Variants in PAM observed in about 807,000 individuals in gnomAD.
The protein encoded by PAM is peptidylglycine alpha-amidating monooxygenase.
A neutral mutation model predicts 122.1 loss-of-function variants in PAM; 72 were observed. The ratio of observed to expected loss-of-function variants is 0.59; its 90% CI spans 0.49 to 0.72. The LOEUF is 0.72. Among genes scored for constraint, PAM ranks in the 30% least tolerant of loss-of-function variants. PAM has a pLI of 0.00. For synonymous variants in PAM, 389 were observed against 404.4 expected, an observed-to-expected ratio of 0.96 and a Z score of 0.46; for missense variants, 1,106 against 1,183.7, an observed-to-expected ratio of 0.93 and a Z score of 0.96.
chr5:102,943,907 A>T (rs1388308198), intron 7 of PAM, among the ~76,000 whole-genome samples: 1 of 152,108 alleles, frequency 6.6e-6, no homozygotes, highest in African/African-American at 2.4e-5. Context: ...TTAGATTCTG[A>T]TTGAATGCTA....
At chr5:102,801,772 ATTTTTTT>A (rs36068804) in intron 1 of PAM, among the ~76,000 whole-genome samples, 31 of 98,974 alleles carry the variant, frequency 3.1e-4, no homozygotes, top group African/African-American at 9.5e-4. Flanking sequence ...GGGAAAAGGT[ATTTTTTT>A]TTTTTTTTTT....
intron 1 of PAM, among the ~76,000 whole-genome samples, chr5:102,772,637 A>G (rs182788022): frequency 1.3e-5 from 2 of 152,294 alleles, no homozygotes; most frequent in East Asian, 1.9e-4. Flanking sequence ...ACTTAAATAT[A>G]TTCAAAGTTG....
chr5:102,801,945 A>C (rs902625395), intron 1 of PAM, among the ~76,000 whole-genome samples: 2 of 149,528 alleles, frequency 1.3e-5, no homozygotes, highest in Non-Finnish European at 3.0e-5. Context: ...CGCCCGGCTA[A>C]TTTTTTGTAT....
intron 1 of PAM, among the ~76,000 whole-genome samples, chr5:102,836,591 C>T (rs931386119): frequency 6.6e-6 from 1 of 152,056 alleles, no homozygotes; most frequent in African/African-American, 2.4e-5. Flanking sequence ...GGATTGATGC[C>T]ATGGGTGACA....
Position 102,901,348 on chromosome 5 carries a change from T to C in PAM, c.211-8T>C, listed in dbSNP as rs767700063. The C allele has an allele frequency of 3.3e-6, 5 of 1,534,498 alleles. No homozygotes were observed. The highest frequency in any genetic ancestry group is 1.7e-4 in the Middle Eastern group (1 of 5,880). Reference sequence around the variant, plus strand: ...TTAATTTGGATTTTTTAATCTTTTTTTTAATAGTCCGATACATACTTCTGC... The same window carrying C: ...TTAATTTGGATTTTTTAATCTTTTTCTTAATAGTCCGATACATACTTCTGC... On this transcript the variant is annotated splice_polypyrimidine_tract_variant and splice_region_variant and intron_variant, in intron 3 of 25. Coordinates refer to ENST00000438793, the MANE Select transcript of PAM (RefSeq NM_001177306.2).
At chr5:102,875,769 A>G (rs1012810601) in intron 3 of PAM, among the ~76,000 whole-genome samples, 1 of 152,232 alleles carries the variant, frequency 6.6e-6, no homozygotes, top group African/African-American at 2.4e-5. Context: ...TATAGATACT[A>G]TGTAAATGAA....
intron 3 of PAM, among the ~76,000 whole-genome samples, chr5:102,890,832 A>C (rs1441514380): frequency 1.1e-4 from 16 of 151,948 alleles, no homozygotes; most frequent in African/African-American, 3.9e-4. Context: ...AACTTATGAC[A>C]GGTAAAAACA....
intron 1 of PAM, among the ~76,000 whole-genome samples, chr5:102,759,971 A>G (rs1751840102): frequency 6.6e-6 from 1 of 152,176 alleles, no homozygotes; most frequent in Non-Finnish European, 1.5e-5. Flanking sequence ...AAGGTATTCA[A>G]GCAGGTGGGA....
chr5:102,937,143 A>G (rs1222435635), intron 7 of PAM, among the ~76,000 whole-genome samples: 3 of 152,152 alleles, frequency 2.0e-5, no homozygotes, highest in Non-Finnish European at 4.4e-5. Flanking sequence ...GGATTTTAAA[A>G]TTCTTTAATA....
intron 1 of PAM, among the ~76,000 whole-genome samples, chr5:102,789,922 T>C (rs1761610499): frequency 6.6e-6 from 1 of 152,120 alleles, no homozygotes; most frequent in Non-Finnish European, 1.5e-5. Flanking sequence ...TAATTATTCA[T>C]ATTCATAAAT....
chr5:102,780,821 TTC>T (rs1179233169), intron 1 of PAM, among the ~76,000 whole-genome samples: 73 of 121,026 alleles, frequency 6.0e-4, no homozygotes, highest in Non-Finnish European at 9.9e-4. Flanking sequence ...CTTTCTTTCT[TTC>T]TTTCTTTCTT....
chr5:102,867,469 C>T (rs1785980990), intron 3 of PAM, 76 bp downstream of exon 3: 2 of 1,097,342 alleles, frequency 1.8e-6, no homozygotes, highest in Non-Finnish European at 2.7e-6. Flanking sequence ...ACTGCATTTA[C>T]AGCTGTAGGA....
chr5:102,902,623 T>G (rs537303554), intron 4 of PAM, among the ~76,000 whole-genome samples: 2 of 151,712 alleles, frequency 1.3e-5, no homozygotes, highest in African/African-American at 4.8e-5. Context: ...ACATTCATAA[T>G]TAAAATCCTA....
intron 1 of PAM, among the ~76,000 whole-genome samples, chr5:102,794,201 T>C (rs1762774023): frequency 1.3e-5 from 2 of 152,220 alleles, no homozygotes; most frequent in Non-Finnish European, 2.9e-5. Context: ...TTCAGCATAA[T>C]GCTGTGCGGA....
At chr5:102,988,389 G>A (rs183953803) in intron 15 of PAM, among the ~76,000 whole-genome samples, 1 of 143,032 alleles carries the variant, frequency 7.0e-6, no homozygotes, top group African/African-American at 3.0e-5. Flanking sequence ...GTACTACTTT[G>A]TGTCATAAGT....
intron 1 of PAM, among the ~76,000 whole-genome samples, chr5:102,787,021 T>G (rs1760731965): frequency 6.6e-6 from 1 of 152,146 alleles, no homozygotes; most frequent in South Asian, 2.1e-4. Flanking sequence ...CCATCTGAGA[T>G]TTGTAAATTA....
chr5:102,842,576 C>T (rs1778923827), intron 1 of PAM, among the ~76,000 whole-genome samples: 1 of 152,154 alleles, frequency 6.6e-6, no homozygotes, highest in African/African-American at 2.4e-5. Flanking sequence ...TTGTAAATTG[C>T]CCAGTCTTGG....
intron 1 of PAM, among the ~76,000 whole-genome samples, chr5:102,791,182 A>T (rs979248048): frequency 2.0e-5 from 3 of 152,080 alleles, no homozygotes; most frequent in Non-Finnish European, 2.9e-5. Context: ...CTCTGATGAA[A>T]ATACTTTTAG....
chr5:102,796,267 A>T (rs1763353625), intron 1 of PAM, among the ~76,000 whole-genome samples: 1 of 152,136 alleles, frequency 6.6e-6, no homozygotes, highest in Non-Finnish European at 1.5e-5. Flanking sequence ...GTCACCTGCA[A>T]TCCATGTTAG....
Sources: gnomAD v4.1 joint callset for allele counts (sites outside exome capture counted in the v4.1 genomes callset) on GRCh38, gnomAD v4.1.1 for gene constraint, MANE v1.5 for transcripts, NCBI Gene and HGNC (gene_info 2026-07-23, HGNC 2026-07-21) for gene names.